The following ADAM12 variants were observed in gnomAD, a reference collection of about 807,000 sequenced individuals.
ADAM12 encodes the protein disintegrin and metalloproteinase domain-containing protein 12.
In ADAM12, 70 loss-of-function variants were observed where a neutral mutation model predicts 106.4. The ratio of observed to expected loss-of-function variants is 0.66; its 90% CI spans 0.54 to 0.80. ADAM12 has a LOEUF of 0.80. ADAM12 is among the 30% of genes least tolerant of loss of function. The pLI is 0.00. For synonymous variants in ADAM12, 420 were observed against 433.5 expected (o/e 0.97, Z 0.39); for missense variants, 1,010 against 1,171.9 (o/e 0.86, Z 2.02).
intron 3 of ADAM12, among the ~76,000 whole-genome samples, chr10:126,266,430 A>G (rs1271488829): frequency 2.0e-5 from 3 of 152,296 alleles, no homozygotes; most frequent in African/African-American, 7.2e-5. Context: ...GCTTGCAGGA[A>G]GGAAGATGAT....
At chr10:126,221,760 T>C (rs1009039955) in intron 3 of ADAM12, among the ~76,000 whole-genome samples, 2 of 152,120 alleles carry the variant, frequency 1.3e-5, no homozygotes, top group African/African-American at 4.8e-5. Context: ...GAATCCTCCT[T>C]CTCCCAGGAG....
At chr10:126,196,970 T>TC (rs1317051992) in intron 3 of ADAM12, among the ~76,000 whole-genome samples, 34 of 152,086 alleles carry the variant, frequency 2.2e-4, no homozygotes, top group African/African-American at 7.5e-4. Context: ...GGGCAGGGGA[T>TC]CTAGGGTATA....
At chr10:126,361,315 G>T (rs1252178391) in intron 1 of ADAM12, among the ~76,000 whole-genome samples, 1 of 152,164 alleles carries the variant, frequency 6.6e-6, no homozygotes, top group Admixed American at 6.5e-5. Flanking sequence ...GATAGTCCAT[G>T]TTCATGGATT....
At chr10:126,148,823 C>T (rs1956676386) in intron 4 of ADAM12, among the ~76,000 whole-genome samples, 1 of 151,146 alleles carries the variant, frequency 6.6e-6, no homozygotes, top group Non-Finnish European at 1.5e-5. Context: ...CAATTTCCAA[C>T]TTCCATCCTC....
At chr10:126,060,412 A>C (rs1250731301) in intron 14 of ADAM12, among the ~76,000 whole-genome samples, 1 of 152,186 alleles carries the variant, frequency 6.6e-6, no homozygotes, top group Non-Finnish European at 1.5e-5. Context: ...TGGGCAACTC[A>C]GCAACTCGGG....
intron 3 of ADAM12, among the ~76,000 whole-genome samples, chr10:126,218,761 A>G (rs1958035545): frequency 6.6e-6 from 1 of 152,226 alleles, no homozygotes; most frequent in Admixed American, 6.5e-5. Context: ...CAAACCCTCC[A>G]GAGGCAGAAT....
chr10:126,190,580 T>A (rs554852325), intron 3 of ADAM12, among the ~76,000 whole-genome samples: 2 of 152,164 alleles, frequency 1.3e-5, no homozygotes, highest in Non-Finnish European at 2.9e-5. Flanking sequence ...TTCATGTGTA[T>A]GCTTCTGCCC....
intron 1 of ADAM12, among the ~76,000 whole-genome samples, chr10:126,347,817 A>G (rs1855205153): frequency 6.6e-6 from 1 of 152,234 alleles, no homozygotes; most frequent in Non-Finnish European, 1.5e-5. Flanking sequence ...AATATTAAAC[A>G]GGTTTATTTC....
intron 3 of ADAM12, among the ~76,000 whole-genome samples, chr10:126,222,566 C>A (rs1184306706): frequency 1.3e-5 from 2 of 151,406 alleles, no homozygotes; most frequent in African/African-American, 2.4e-5. Context: ...ACCGAGCACG[C>A]CAGCTGGTAT....
intron 21 of ADAM12, among the ~76,000 whole-genome samples, chr10:126,032,488 T>C (rs1019058724): frequency 1.4e-4 from 22 of 152,298 alleles, no homozygotes; most frequent in Admixed American, 1.4e-3. Flanking sequence ...TGAAGGACTT[T>C]TTCGGGCCTG....
intron 4 of ADAM12, among the ~76,000 whole-genome samples, chr10:126,138,540 A>G (rs1335420091): frequency 1.3e-5 from 2 of 151,940 alleles, no homozygotes; most frequent in South Asian, 2.1e-4. Flanking sequence ...ACACCCAGCT[A>G]ATTTTTGTAT....
At chr10:126,087,598 G>A (rs1955382695) in intron 11 of ADAM12, among the ~76,000 whole-genome samples, 1 of 152,176 alleles carries the variant, frequency 6.6e-6, no homozygotes, top group Admixed American at 6.5e-5. Context: ...CAAATGAAGA[G>A]TTAAGATGGA....
intron 2 of ADAM12, 39 bp from the exon 3 acceptor site, chr10:126,279,027 G>A: frequency 6.5e-7 from 1 of 1,528,754 alleles, no homozygotes; most frequent in Non-Finnish European, 9.0e-7. Flanking sequence ...AAAAACGCTT[G>A]GCTTTGATTT....
At chr10:126,208,103 T>C (rs1156349207) in intron 3 of ADAM12, among the ~76,000 whole-genome samples, 2 of 152,210 alleles carry the variant, frequency 1.3e-5, no homozygotes, top group Non-Finnish European at 2.9e-5. Flanking sequence ...ATAAAGGAAA[T>C]ACTTCTATCA....
chr10:126,023,300 G>C (rs939723551), intron 21 of ADAM12, among the ~76,000 whole-genome samples: 1 of 152,178 alleles, frequency 6.6e-6, no homozygotes, highest in Non-Finnish European at 1.5e-5. Context: ...TCCATTTCCA[G>C]TAACATGGCA....
chr10:126,355,324 C>T (rs544628533), intron 1 of ADAM12, among the ~76,000 whole-genome samples: 27 of 152,206 alleles, frequency 1.8e-4, no homozygotes, highest in African/African-American at 4.3e-4. Context: ...TCTAAATCTC[C>T]GACAGGTCTA....
intron 3 of ADAM12, among the ~76,000 whole-genome samples, chr10:126,264,363 A>G (rs775666599): frequency 6.6e-6 from 1 of 152,198 alleles, no homozygotes; most frequent in Non-Finnish European, 1.5e-5. Flanking sequence ...GGGCTGTGAA[A>G]ATAACTCTTT....
intron 3 of ADAM12, among the ~76,000 whole-genome samples, chr10:126,261,884 G>A (rs1417692504): frequency 6.6e-6 from 1 of 150,444 alleles, no homozygotes. Flanking sequence ...CTCACTGCAA[G>A]CTCTGCCTCC....
chr10:126,039,277 A>G lies in ADAM12; in HGVS notation c.2240+17T>C, dbSNP rs1216356168. 6.2e-7 allele frequency: 1 copy of G among 1,613,152 alleles called. No individual in the cohort carries two copies. Among genetic ancestry groups the G allele is most frequent in the East Asian group, 2.2e-5 (1 of 44,836 alleles). On this transcript the variant is annotated intron_variant, in intron 19 of 22. Coordinates refer to ENST00000448723, the MANE Select transcript of ADAM12 (RefSeq NM_001288973.2). ...GCCACCATTTCTAGAACAGATGACA[A>G]GCTAAACCCAGGGTACCTTAGTTTT...
Sources: gnomAD v4.1 joint callset for allele counts (sites outside exome capture counted in the v4.1 genomes callset) on GRCh38, gnomAD v4.1.1 for gene constraint, MANE v1.5 for transcripts, NCBI Gene and HGNC (gene_info 2026-07-23, HGNC 2026-07-21) for gene names.